The following SERINC2 variants were observed in gnomAD, a reference collection of about 807,000 sequenced individuals.
The protein encoded by SERINC2 is serine incorporator 2.
A neutral mutation model predicts 54.2 loss-of-function variants in SERINC2; 56 were observed. The observed-to-expected ratio is 1.03, with a 90% CI of 0.83 to 1.29. The LOEUF is 1.29. Ranked by LOEUF, SERINC2 falls within the 50% of genes most tolerant of loss-of-function variation. SERINC2 has a pLI of 0.00. For synonymous variants in SERINC2, 272 were observed against 253.1 expected (o/e 1.07, Z -0.71); for missense variants, 614 against 607.4 (o/e 1.01, Z -0.12).
intron 1 of SERINC2, chr1:31,414,627 G>A (rs988067172): frequency 8.1e-6 from 8 of 985,592 alleles, no homozygotes; most frequent in Middle Eastern, 5.2e-4. Context: ...GTGCATGTGC[G>A]TGTGCAGGAG....
chr1:31,417,921 A>G (rs782602005), intron 1 of SERINC2, among the ~76,000 whole-genome samples: 1 of 142,288 alleles, frequency 7.0e-6, no homozygotes, highest in African/African-American at 2.7e-5. Context: ...CAATGGCACA[A>G]TCTCGGCTCA....
chr1:31,425,695 A>G (rs1641022263), intron 4 of SERINC2, 81 bp from the exon 5 acceptor site: 2 of 1,504,252 alleles, frequency 1.3e-6, no homozygotes, highest in Non-Finnish European at 1.8e-6. Context: ...TCCCCGGTGC[A>G]GGGTGTAGCA....
intron 6 of SERINC2, 69 bp from the exon 7 acceptor site, chr1:31,428,909 T>A: frequency 8.8e-7 from 1 of 1,141,042 alleles, no homozygotes; most frequent in Non-Finnish European, 1.2e-6. Context: ...CCTTGGCTGG[T>A]GTGAGTGGGC....
Position 31,425,353 on chromosome 1 carries a change from T to G in SERINC2, c.416T>G (p.Ile139Ser), listed in dbSNP as rs1390691886. Residue 139 changes from isoleucine (I) to serine (S), a missense_variant, in exon 4 of 10, where the codon ATC becomes AGC. Coordinates refer to ENST00000373709, the MANE Select transcript of SERINC2 (RefSeq NM_178865.5). ...QNGFWFFKFL[I>S]LVGLTVGAFY... is the part of the protein sequence containing the mutation. ...AGGTTTTGGTTCTTTAAGTTCCTGA[T>G]CCTGGTGGGCCTCACCGTGGGTGCC... is the stretch of plus-strand genomic sequence containing the variant. The G allele has an allele frequency of 1.2e-6, 2 of 1,613,136 alleles. No individual in the cohort carries two copies. The highest frequency in any genetic ancestry group is 1.7e-6 in the Non-Finnish European group (2 of 1,179,196).
intron 6 of SERINC2, among the ~76,000 whole-genome samples, chr1:31,428,770 G>C (rs1553133961): frequency 6.6e-6 from 1 of 152,120 alleles, no homozygotes; most frequent in African/African-American, 2.4e-5. Flanking sequence ...GTAATCTGAG[G>C]GGTGTTAAGA....
upstream of SERINC2, chr1:31,410,298 A>C: frequency 6.6e-7 from 1 of 1,526,564 alleles, no homozygotes. Flanking sequence ...ACACCAAGAA[A>C]TGAAGCTCTT....
chr1:31,416,245 C>CCATAAA (rs1445667540), intron 1 of SERINC2, among the ~76,000 whole-genome samples: 2 of 152,146 alleles, frequency 1.3e-5, no homozygotes, highest in Admixed American at 6.5e-5. Flanking sequence ...AGTGGCCGGT[C>CCATAAA]CATAAACACC....
chr1:31,422,793 T>C (rs1294251713), intron 1 of SERINC2, among the ~76,000 whole-genome samples: 6 of 151,658 alleles, frequency 4.0e-5, no homozygotes, highest in Non-Finnish European at 7.4e-5. Flanking sequence ...GGAGGGTGAG[T>C]CTCCTTTTCA....
At chr1:31,428,873 C>T in intron 6 of SERINC2, 105 bp from the exon 7 acceptor site, 1 of 829,164 alleles carries the variant, frequency 1.2e-6, no homozygotes, top group East Asian at 2.6e-5. Flanking sequence ...GTGGGGTATC[C>T]TAGGTGGGTG....
rs1417812258 is a variant in SERINC2 at position 31,434,273 on chromosome 1, C to G, written c.*74C>G. 2 of 1,478,630 alleles carry G rather than the reference C, an allele frequency of 1.4e-6. No homozygotes were observed. The highest frequency in any genetic ancestry group is 1.7e-5 in the Admixed American group (1 of 57,578). The allele number at this position is 1,478,630 out of a possible 1,614,324, so 91.6% of individuals were successfully genotyped here. A position where few individuals can be genotyped will look rare whatever the true frequency, so the allele number is the denominator to read the frequency against. On this transcript the variant is annotated 3_prime_UTR_variant, in exon 10 of 10. Transcript: ENST00000373709. ...TCGGCTCAGTGACAGCCAACCTGCC[C>G]CCTCCCCACACCAATCAGCCAGGCT... is the stretch of plus-strand genomic sequence containing the variant.
In SERINC2 at chr1:31,434,188, G is replaced by C. The variant is rs145142120; in HGVS notation, c.1357G>C (p.Asp453His). Residue 453 changes from aspartate to histidine, a missense_variant, in exon 10 of 10, where the codon GAC becomes CAC. Asp to His is a moderately conservative substitution (Grantham distance 81). Coordinates refer to ENST00000373709, the MANE Select transcript of SERINC2 (RefSeq NM_178865.5). ...AGCCCCACTCCTCCTGCGCAACCGC[G>C]ACTTCAGCTGAGGCAGCCTCACAGC... ...LVAPLLLRNRDFS is the reference protein window; with the variant it reads ...LVAPLLLRNRHFS 5.6e-6 allele frequency: 9 copies of C among 1,613,016 alleles called. No individual in the cohort carries two copies. In the South Asian group the frequency reaches 9.9e-5, roughly 18 times the overall value.
chr1:31,424,187 A>G (rs1470778124), intron 2 of SERINC2, among the ~76,000 whole-genome samples: 2 of 152,180 alleles, frequency 1.3e-5, no homozygotes, highest in African/African-American at 4.8e-5. Context: ...AGCCTAGCAC[A>G]GACCCAGGGG....
In SERINC2 at chr1:31,429,970, C is replaced by G. The variant is rs56693990; in HGVS notation, c.1013+432C>G. Among the ~76,000 whole-genome samples, 895 of 152,112 alleles carry G rather than the reference C, an allele frequency of 5.9e-3. 70 individuals carry two copies. In the East Asian group the frequency reaches 0.15, roughly 25 times the overall value. On this transcript the variant is annotated intron_variant, in intron 8 of 9. Coordinates refer to ENST00000373709, the MANE Select transcript of SERINC2 (RefSeq NM_178865.5). Reference sequence around the variant, plus strand: ...GTGGCTGTGACCCCACACTCTCCCCCGAGAGAAGGCAGCTCATGCTGAAGT... The same window carrying G: ...GTGGCTGTGACCCCACACTCTCCCCGGAGAGAAGGCAGCTCATGCTGAAGT...
At chr1:31,414,212 G>A in intron 1 of SERINC2, 1 of 1,355,170 alleles carries the variant, frequency 7.4e-7, no homozygotes, top group Admixed American at 3.7e-5. Flanking sequence ...GCCGCAGAGG[G>A]GAGGGGCTCC....
At chr1:31,410,387 G>T (rs1640627911), upstream of SERINC2, 1 of 1,547,570 alleles carries the variant, frequency 6.5e-7, no homozygotes, top group African/African-American at 1.4e-5. Context: ...TTTTACAGAT[G>T]AGAAGCATGA....
At chr1:31,415,991 G>T (rs1553132158) in intron 1 of SERINC2, 1 of 816,626 alleles carries the variant, frequency 1.2e-6, no homozygotes, top group Non-Finnish European at 1.5e-6. Context: ...TGATGACTTG[G>T]CTGTCTGCAA....
chr1:31,431,970 G>A (rs1641252635), intron 8 of SERINC2, among the ~76,000 whole-genome samples: 2 of 134,636 alleles, frequency 1.5e-5, no homozygotes, highest in South Asian at 2.5e-4. Context: ...GGGTGGATAG[G>A]GTGGATAGGG....
chr1:31,414,083 C>T (rs1052495072), intron 1 of SERINC2: 7 of 1,476,364 alleles, frequency 4.7e-6, no homozygotes, highest in African/African-American at 4.3e-5. Context: ...CGTCACGGAC[C>T]ACCGGGCGGA....
At chr1:31,431,841 TAGGGTGGATAGGGTGGA>T (rs1641233042) in intron 8 of SERINC2, among the ~76,000 whole-genome samples, 2 of 36,030 alleles carry the variant, frequency 5.6e-5, no homozygotes, top group Non-Finnish European at 8.2e-5. Flanking sequence ...ATAGGGTGGA[TAGGGTGGATAGGGTGGA>T]TAGGGTGGAT....
Sources: allele counts gnomAD v4.1 joint callset (sites outside exome capture counted in the v4.1 genomes callset), GRCh38; gene constraint gnomAD v4.1.1; transcripts MANE v1.5; gene names NCBI Gene and HGNC (gene_info 2026-07-23, HGNC 2026-07-21).